The following PRDM16 variants were observed in gnomAD, a reference collection of about 807,000 sequenced individuals.
The protein encoded by PRDM16 is PR/SET domain 16.
A neutral mutation model predicts 110.6 loss-of-function variants in PRDM16; 23 were observed. The ratio of observed to expected loss-of-function variants is 0.21; its 90% CI spans 0.15 to 0.29. The LOEUF (loss-of-function observed/expected upper bound fraction) is 0.29, where lower values mean the gene tolerates loss of function less well. Among genes scored for constraint, PRDM16 ranks in the 10% least tolerant of loss-of-function variants. PRDM16 has a pLI of 1.00. For missense variants in PRDM16, 1,615 were observed against 1,794.3 expected, an observed-to-expected ratio of 0.90 and a Z score of 1.81; for synonymous variants, 799 against 781.8, an observed-to-expected ratio of 1.02 and a Z score of -0.37.
rs770629291 is a variant in PRDM16 at position 3,430,971 on chromosome 1, G to C, written c.3384G>C (p.Glu1128Asp). 14 of 1,611,442 alleles carry C rather than the reference G, an allele frequency of 8.7e-6. No homozygotes were observed. Among genetic ancestry groups the C allele is most frequent in the African/African-American group, 2.7e-5 (2 of 74,878 alleles). Residue 1128 changes from glutamate to aspartate, a missense_variant, in exon 15 of 17, where the codon GAG becomes GAC. Coordinates refer to ENST00000270722, the MANE Select transcript of PRDM16 (RefSeq NM_022114.4). Reference sequence around the variant, plus strand: ...AGGAGGACGACGATGACCTGGAGGAGGACGATGAGGACAGCCTGGCCGGGA... The same window carrying C: ...AGGAGGACGACGATGACCTGGAGGACGACGATGAGGACAGCCTGGCCGGGA... Reference protein sequence around the residue: ...VEEEDDDDLEEDDEDSLAGKS... With the variant: ...VEEEDDDDLEDDDEDSLAGKS...
intron 3 of PRDM16, among the ~76,000 whole-genome samples, chr1:3,297,572 C>T (rs916448643): frequency 6.6e-6 from 1 of 152,140 alleles, no homozygotes; most frequent in African/African-American, 2.4e-5. Context: ...GTGCGAACCA[C>T]TGCGCCCGGC....
chr1:3,189,169 G>T (rs1450982848), intron 2 of PRDM16, among the ~76,000 whole-genome samples: 2 of 152,220 alleles, frequency 1.3e-5, no homozygotes, highest in Non-Finnish European at 2.9e-5. Flanking sequence ...GGAACACCAG[G>T]CTTCAGGGCT....
chr1:3,430,771 G>A (rs571877329), intron 14 of PRDM16, 101 bp from the exon 15 acceptor site: 48 of 1,379,330 alleles, frequency 3.5e-5, no homozygotes, highest in African/African-American at 3.3e-4. Flanking sequence ...GAGTGTTGTC[G>A]GGGGAGGCAG....
rs182918270 is a variant in PRDM16 at position 3,104,043 on chromosome 1, C to T, written c.37+34747C>T. On this transcript the variant is annotated intron_variant, in intron 1 of 16. Coordinates refer to ENST00000270722, the MANE Select transcript of PRDM16 (RefSeq NM_022114.4). ...TCACAAACAAATTGCCTTCCTCCGC[C>T]GAAGTCACTGCTCCTTGGCCGGGTA... Among the ~76,000 whole-genome samples, 52 of 152,322 alleles carry T rather than the reference C, an allele frequency of 3.4e-4. 1 individual carries two copies. Among genetic ancestry groups the T allele is most frequent in the Middle Eastern group, 3.4e-3 (1 of 294 alleles).
intron 1 of PRDM16, among the ~76,000 whole-genome samples, chr1:3,084,468 TG>T (rs1642104952): frequency 2.6e-5 from 4 of 152,276 alleles, no homozygotes; most frequent in Middle Eastern, 3.4e-3. Context: ...TCTGCCCCCC[TG>T]GGAGGCACGG....
At chr1:3,275,878 T>C (rs2500305) in intron 3 of PRDM16, among the ~76,000 whole-genome samples, 43,842 of 152,118 alleles carry the variant, frequency 0.29, 10,189 homozygotes, top group African/African-American at 0.63. Flanking sequence ...GGGGCCAGCG[T>C]CTGAAGATGC....
intron 3 of PRDM16, among the ~76,000 whole-genome samples, chr1:3,383,218 C>T (rs1475103620): frequency 6.6e-6 from 1 of 152,222 alleles, no homozygotes; most frequent in Non-Finnish European, 1.5e-5. Context: ...GAGTGAATCT[C>T]CCACTGCCCT....
At chr1:3,194,508 A>C (rs1638404422) in intron 2 of PRDM16, among the ~76,000 whole-genome samples, 1 of 152,000 alleles carries the variant, frequency 6.6e-6, no homozygotes, top group African/African-American at 2.4e-5. Context: ...CTGGAGTCTC[A>C]GGGAGGGAGG....
chr1:3,262,864 C>A (rs550397452), intron 3 of PRDM16, among the ~76,000 whole-genome samples: 1 of 152,054 alleles, frequency 6.6e-6, no homozygotes, highest in South Asian at 2.1e-4. Flanking sequence ...CGAGGGTGTG[C>A]GCGCATGGGG....
At chr1:3,368,717 T>TA (rs567078879) in intron 3 of PRDM16, among the ~76,000 whole-genome samples, 4 of 152,228 alleles carry the variant, frequency 2.6e-5, no homozygotes, top group Non-Finnish European at 5.9e-5. Context: ...CATGAGTTTT[T>TA]ATTCACATCC....
At chr1:3,210,962 C>T (rs548945233) in intron 2 of PRDM16, among the ~76,000 whole-genome samples, 6 of 152,276 alleles carry the variant, frequency 3.9e-5, no homozygotes, top group South Asian at 2.1e-4. Flanking sequence ...CATTAGATAT[C>T]GATTTGTCCA....
intron 3 of PRDM16, among the ~76,000 whole-genome samples, chr1:3,329,347 G>C (rs953532439): frequency 2.6e-5 from 4 of 152,150 alleles, no homozygotes; most frequent in African/African-American, 9.7e-5. Flanking sequence ...ATCCGGGTAG[G>C]ACCCCTCCAA....
Position 3,422,287 on chromosome 1 carries a change from A to G in PRDM16, c.2940-3294A>G, listed in dbSNP as rs568301276. On this transcript the variant is annotated intron_variant, in intron 12 of 16. Coordinates refer to ENST00000270722, the MANE Select transcript of PRDM16 (RefSeq NM_022114.4). ...GGCAGGTGGACAGACAGATGGACAG[A>G]CAGGCAGGCAGACAGACAGGCAGAC... Among the ~76,000 whole-genome samples, 19 of 151,306 alleles carry G rather than the reference A, an allele frequency of 1.3e-4. 1 individual carries two copies. The highest frequency in any genetic ancestry group is 3.4e-3 in the Middle Eastern group (1 of 292).
At chr1:3,121,985 G>A (rs567892942) in intron 1 of PRDM16, among the ~76,000 whole-genome samples, 119 of 152,376 alleles carry the variant, frequency 7.8e-4, no homozygotes, top group African/African-American at 2.6e-3. Context: ...AGTGGCAGGC[G>A]CGGGCGGTTG....
At chr1:3,137,526 T>TG (rs1385036902) in intron 1 of PRDM16, among the ~76,000 whole-genome samples, 1 of 152,134 alleles carries the variant, frequency 6.6e-6, no homozygotes, top group Non-Finnish European at 1.5e-5. Flanking sequence ...GGGGAGGCAC[T>TG]GGGGGTCAGA....
intron 1 of PRDM16, among the ~76,000 whole-genome samples, chr1:3,078,207 G>A (rs1027596838): frequency 3.3e-5 from 5 of 152,152 alleles, no homozygotes; most frequent in African/African-American, 7.2e-5. Context: ...CCTGTGTGCC[G>A]GGCTCCGAGA....
At chr1:3,299,349 T>C (rs568655779) in intron 3 of PRDM16, among the ~76,000 whole-genome samples, 3 of 94,698 alleles carry the variant, frequency 3.2e-5, no homozygotes, top group Admixed American at 1.4e-4. Context: ...TTGAAGATGC[T>C]ATGCTGTGGC....
Position 3,157,675 on chromosome 1 carries a change from G to T in PRDM16, c.38-28450G>T, listed in dbSNP as rs1643869685. ...AACAGACTTCCCCAGAAAGTTCCCA[G>T]ATTCGCACCTGCTGGACTGGGAGGC... is the stretch of plus-strand genomic sequence containing the variant. On this transcript the variant is annotated intron_variant, in intron 1 of 16. Transcript: ENST00000270722. This position sits in a 1 kb window ranked among gnomAD's most constrained non-coding sequence, Gnocchi z 4.8. Among the ~76,000 whole-genome samples, 1 of 152,200 alleles carries T rather than the reference G, an allele frequency of 6.6e-6. No homozygotes were observed. Among genetic ancestry groups the T allele is most frequent in the Non-Finnish European group, 1.5e-5 (1 of 68,038 alleles).
intron 3 of PRDM16, among the ~76,000 whole-genome samples, chr1:3,366,233 G>A (rs1642812276): frequency 6.6e-6 from 1 of 152,252 alleles, no homozygotes; most frequent in African/African-American, 2.4e-5. Flanking sequence ...GCACGACCAT[G>A]ACTTAATGCG....
Sources: allele counts gnomAD v4.1 joint callset (sites outside exome capture counted in the v4.1 genomes callset), GRCh38; gene constraint gnomAD v4.1.1; non-coding constraint Gnocchi (gnomAD v3.1); transcripts MANE v1.5; gene names NCBI Gene and HGNC (gene_info 2026-07-23, HGNC 2026-07-21).